TGFA: variants seen among roughly 807,000 people sequenced by gnomAD.
The protein encoded by TGFA is protransforming growth factor alpha.
TGFA carries 12 observed loss-of-function variants against 21.7 expected under a neutral mutation model. That is an observed-to-expected ratio of 0.55 (90% CI 0.35 to 0.90). The LOEUF is 0.90. TGFA is among the 40% of genes least tolerant of loss of function. TGFA has a pLI of 0.01. For synonymous variants in TGFA, 79 were observed against 88.1 expected, an observed-to-expected ratio of 0.90 and a Z score of 0.58; for missense variants, 178 against 210.8, an observed-to-expected ratio of 0.84 and a Z score of 0.96.
chr2:70,494,693 T>C (rs1422367135), intron 2 of TGFA, among the ~76,000 whole-genome samples: 1 of 152,144 alleles, frequency 6.6e-6, no homozygotes. Flanking sequence ...CCAATGAAAA[T>C]GATATTTCAT....
intron 2 of TGFA, among the ~76,000 whole-genome samples, chr2:70,492,145 A>G (rs1310084549): frequency 6.6e-6 from 1 of 152,208 alleles, no homozygotes; most frequent in African/African-American, 2.4e-5. Flanking sequence ...GTGGAAGGTA[A>G]GAATATAGAC....
At position 70,458,129 on chromosome 2, in the gene TGFA, A is replaced by C. The variant is rs73939054; in HGVS notation, c.216-1641T>G. 7.5e-3 allele frequency among the ~76,000 whole-genome samples: 1,142 copies of C among 152,072 alleles called. 9 individuals carry two copies. Among genetic ancestry groups the C allele is most frequent in the African/African-American group, 0.026 (1,059 of 41,470 alleles). On this transcript the variant is annotated intron_variant, in intron 3 of 5. Transcript: ENST00000295400. ...TTTTTTTGTTTGTTTGCTTGCTTTG[A>C]TTTTAATAACAAAATTACATAAAGG...
intron 2 of TGFA, among the ~76,000 whole-genome samples, chr2:70,491,708 G>C (rs1217696743): frequency 6.6e-6 from 1 of 152,252 alleles, no homozygotes; most frequent in Admixed American, 6.5e-5. Flanking sequence ...TCTTTGAAGG[G>C]CTCTTCCTTT....
At chr2:70,451,702 G>A (rs1286558046) in intron 5 of TGFA, 1 of 685,652 alleles carries the variant, frequency 1.5e-6, no homozygotes, top group South Asian at 1.5e-5. Context: ...TTCTATTGGT[G>A]CTAAAAGAAA....
rs568150279 is a variant in TGFA at position 70,498,370 on chromosome 2, G to A, written c.94+16489C>T. 2.0e-5 allele frequency among the ~76,000 whole-genome samples: 3 copies of A among 152,234 alleles called. No homozygotes were observed. In the South Asian group the frequency reaches 6.2e-4, roughly 32 times the overall value. Reference sequence around the variant, plus strand: ...TCCTGGCATGGGACTAGGGTGGCAGGTGGGAAATAGGCTGCAGGAAGAGGA... The same window carrying A: ...TCCTGGCATGGGACTAGGGTGGCAGATGGGAAATAGGCTGCAGGAAGAGGA... On this transcript the variant is annotated intron_variant, in intron 2 of 5. Transcript: ENST00000295400.
chr2:70,450,854 G>C lies in TGFA; in HGVS notation c.*5C>G. On this transcript the variant is annotated 3_prime_UTR_variant, in exon 6 of 6. Transcript: ENST00000295400. ...CCACCTGGCCAAACTCCTCCTCTGG[G>C]CTCTTCAGACCACTGGCAGGAAGGA... is the stretch of plus-strand genomic sequence containing the variant. 6.2e-7 allele frequency: 1 copy of C among 1,609,692 alleles called. No homozygotes were observed. The highest frequency in any genetic ancestry group is 1.7e-5 in the Admixed American group (1 of 59,602).
At chr2:70,491,944 C>T (rs554210154) in intron 2 of TGFA, among the ~76,000 whole-genome samples, 84 of 152,328 alleles carry the variant, frequency 5.5e-4, no homozygotes, top group African/African-American at 1.8e-3. Flanking sequence ...AACTTCAATT[C>T]TACATTTTTT....
chr2:70,535,614 A>G lies in TGFA; in HGVS notation c.40+18114T>C, dbSNP rs11466204. ...GATATATCCTACATGGGATGATAGC[A>G]TAGATATTCCACATGCCTCTGCTCT... On this transcript the variant is annotated intron_variant, in intron 1 of 5. Transcript: ENST00000295400. Among the ~76,000 whole-genome samples, 1,370 of 152,380 alleles carry G rather than the reference A, an allele frequency of 9.0e-3. 6 individuals are homozygous for G. The highest frequency in any genetic ancestry group is 0.014 in the Non-Finnish European group (985 of 68,036).
rs189501648 is a variant in TGFA at position 70,456,298 on chromosome 2, G to T, written c.365+41C>A. On this transcript the variant is annotated intron_variant, in intron 4 of 5. Transcript: ENST00000295400. ...TACTGCGGATGTCCCTGGTAGGGGA[G>T]GTGGGCAGGGGACCTGGCCTTAGGG... is the stretch of plus-strand genomic sequence containing the variant. 8 of 1,524,742 alleles carry T rather than the reference G, an allele frequency of 5.2e-6. No homozygotes were observed. The East Asian group carries it at 1.7e-4, about 33-fold the overall frequency. 94.5% of individuals were successfully genotyped at this position (1,524,742 alleles called of 1,614,324 possible). A position where few individuals can be genotyped will look rare whatever the true frequency, so the allele number is the denominator to read the frequency against.
chr2:70,530,808 A>G (rs559612613), intron 1 of TGFA, among the ~76,000 whole-genome samples: 8 of 152,334 alleles, frequency 5.3e-5, no homozygotes, highest in Admixed American at 5.2e-4. Context: ...AAGGGTCCAC[A>G]AGGACCAAAG....
At chr2:70,463,372 G>T (rs1157624318) in intron 3 of TGFA, among the ~76,000 whole-genome samples, 5 of 152,200 alleles carry the variant, frequency 3.3e-5, no homozygotes, top group Non-Finnish European at 7.3e-5. Flanking sequence ...GTAAGGGTGT[G>T]TGAATGTGAT....
intron 1 of TGFA, 186 bp downstream of exon 1, chr2:70,553,542 C>A (rs1673582667): frequency 7.3e-7 from 1 of 1,370,782 alleles, no homozygotes; most frequent in East Asian, 2.8e-5. Flanking sequence ...GGCGCTCGAC[C>A]GGACAGTCCC....
intron 2 of TGFA, among the ~76,000 whole-genome samples, chr2:70,497,883 A>G (rs1342888508): frequency 1.3e-5 from 2 of 152,260 alleles, no homozygotes; most frequent in Non-Finnish European, 2.9e-5. Context: ...AAGGTGTTAC[A>G]GTTATTTACT....
At chr2:70,465,880 CACTT>C (rs1670543485) in intron 2 of TGFA, 144 bp from the exon 3 acceptor site, 6 of 1,230,914 alleles carry the variant, frequency 4.9e-6, no homozygotes, top group East Asian at 2.5e-5. Flanking sequence ...CCTCAGCTCT[CACTT>C]ACTTTCTAAA....
rs544254782 is a variant in TGFA at position 70,516,009 on chromosome 2, A to G, written c.41-1097T>C. Among the ~76,000 whole-genome samples, 4 of 152,362 alleles carry G rather than the reference A, an allele frequency of 2.6e-5. No individual in the cohort carries two copies. The South Asian group carries it at 8.3e-4, about 32-fold the overall frequency. ...TGTGACCTATACAGGTTGCATGCCCATAAAACCAGCCCTGCCAACAGATGA... is the reference window on the plus strand; with the variant it reads ...TGTGACCTATACAGGTTGCATGCCCGTAAAACCAGCCCTGCCAACAGATGA... On this transcript the variant is annotated intron_variant, in intron 1 of 5. Transcript: ENST00000295400.
intron 1 of TGFA, among the ~76,000 whole-genome samples, chr2:70,544,437 G>A (rs1334589526): frequency 6.6e-6 from 1 of 151,790 alleles, no homozygotes; most frequent in African/African-American, 2.4e-5. Context: ...TCAACTGAAG[G>A]ACTATTAGAA....
intron 5 of TGFA, among the ~76,000 whole-genome samples, chr2:70,452,414 G>A (rs1248010964): frequency 6.6e-6 from 1 of 152,146 alleles, no homozygotes; most frequent in African/African-American, 2.4e-5. Flanking sequence ...GGATGTTGGC[G>A]AAAATATCCA....
At chr2:70,482,844 C>T (rs916836222) in intron 2 of TGFA, among the ~76,000 whole-genome samples, 5 of 152,124 alleles carry the variant, frequency 3.3e-5, no homozygotes, top group Non-Finnish European at 7.4e-5. Flanking sequence ...ATAAAAGTCT[C>T]AACAGGAAAG....
chr2:70,475,575 C>A (rs1670896422), intron 2 of TGFA, among the ~76,000 whole-genome samples: 1 of 152,066 alleles, frequency 6.6e-6, no homozygotes. Context: ...TTATGGGCAT[C>A]TTCCACACAC....
Sources: gnomAD v4.1 joint callset for allele counts (sites outside exome capture counted in the v4.1 genomes callset) on GRCh38, gnomAD v4.1.1 for gene constraint, MANE v1.5 for transcripts, NCBI Gene and HGNC (gene_info 2026-07-23, HGNC 2026-07-21) for gene names.